The following NSMCE4A variants were observed in gnomAD, a reference collection of about 807,000 sequenced individuals.
NSMCE4A encodes NSE4A component of SMC5/6 complex, also known as non-structural maintenance of chromosomes element 4 homolog A.
Under a neutral mutation model 47.9 loss-of-function variants are expected in NSMCE4A, and 40 were observed. That is an observed-to-expected ratio of 0.83 (90% CI 0.65 to 1.09). The LOEUF (loss-of-function observed/expected upper bound fraction) is 1.09. NSMCE4A is among the 50% of genes least tolerant of loss of function. NSMCE4A has a pLI of 0.00. For synonymous variants in NSMCE4A, 166 were observed against 178.5 expected (o/e 0.93, Z 0.56); for missense variants, 500 against 507.0 (o/e 0.99, Z 0.13).
intron 1 of NSMCE4A, chr10:121,974,438 C>T: frequency 9.8e-7 from 1 of 1,019,974 alleles, no homozygotes; most frequent in Non-Finnish European, 1.2e-6. Context: ...CCCAGAGATT[C>T]GAATTCCGCG....
At chr10:121,974,308 T>A in intron 1 of NSMCE4A, 1 of 1,340,794 alleles carries the variant, frequency 7.5e-7, no homozygotes, top group African/African-American at 1.5e-5. Context: ...CCTCTAACCT[T>A]AACCCAAAGG....
chr10:121,959,280 T>G (rs962850325), intron 10 of NSMCE4A, 44 bp downstream of exon 10: 80 of 1,538,166 alleles, frequency 5.2e-5, no homozygotes, highest in Non-Finnish European at 6.5e-5. Context: ...GATTGCCAAA[T>G]GAACTTTAAT....
rs1952459505 is a variant in NSMCE4A at position 121,959,507 on chromosome 10, G to C, written c.1077C>G (p.Asp359Glu). The C allele has an allele frequency of 6.2e-7, 1 of 1,613,756 alleles. No individual in the cohort carries two copies. Among genetic ancestry groups the C allele is most frequent in the Admixed American group, 1.7e-5 (1 of 59,996 alleles). The change falls in exon 9 of 11, where the codon GAC (aspartate) becomes GAG (glutamate). Residue 359 changes from aspartate to glutamate, a missense_variant. Asp to Glu is a conservative substitution (Grantham distance 45). Coordinates refer to ENST00000369023, the MANE Select transcript of NSMCE4A (RefSeq NM_017615.3). ...NQGIIALSYR[D>E]WEEIVKTFEI... ...GCAACAGGCAGAGCTTTACCTCCCA[G>C]TCACGGTAACTCAAAGCTATAATTC... is the stretch of plus-strand genomic sequence containing the variant.
At chr10:121,963,603 T>C (rs1451830875) in intron 5 of NSMCE4A, among the ~76,000 whole-genome samples, 1 of 151,654 alleles carries the variant, frequency 6.6e-6, no homozygotes. Flanking sequence ...GCTAATTTTT[T>C]TTTTTTTAAT....
intron 3 of NSMCE4A, among the ~76,000 whole-genome samples, chr10:121,969,357 A>C (rs73366454): frequency 0.032 from 4,913 of 152,260 alleles, 153 homozygotes; most frequent in African/African-American, 0.079. Flanking sequence ...CAACAAGAGC[A>C]AGACTCTGTC....
intron 10 of NSMCE4A, among the ~76,000 whole-genome samples, chr10:121,957,463 C>T (rs1442312257): frequency 2.5e-5 from 3 of 122,216 alleles, no homozygotes; most frequent in Admixed American, 1.1e-4. Flanking sequence ...GACAGAGTTT[C>T]GCTCTGTCGC....
At position 121,965,459 on chromosome 10, in the gene NSMCE4A, G is replaced by C. The variant is rs765452015; in HGVS notation, c.654-74C>G. ...AACAAACTAACTTTACTAACTAAAA[G>C]TAGTTTGCATGGTATAGTCAAATTC... On this transcript the variant is annotated intron_variant, in intron 4 of 10. Transcript: ENST00000369023. The C allele has an allele frequency of 5.1e-4, 591 of 1,159,986 alleles. 1 individual carries two copies. Among genetic ancestry groups the C allele is most frequent in the Non-Finnish European group, 6.9e-4 (539 of 776,438 alleles). The allele number at this position is 1,159,986 out of a possible 1,614,324, so 71.9% of individuals were successfully genotyped here. A position where few individuals can be genotyped will look rare whatever the true frequency, so the allele number is the denominator to read the frequency against.
intron 5 of NSMCE4A, among the ~76,000 whole-genome samples, chr10:121,964,605 C>T (rs555007583): frequency 6.6e-6 from 1 of 151,410 alleles, no homozygotes; most frequent in African/African-American, 2.4e-5. Context: ...CCATACCTAG[C>T]TAATTTCTGT....
intron 10 of NSMCE4A, among the ~76,000 whole-genome samples, chr10:121,957,933 A>G (rs184375806): frequency 4.6e-5 from 7 of 152,236 alleles, no homozygotes; most frequent in Non-Finnish European, 7.4e-5. Context: ...ATAGATTAAA[A>G]AAAAATAAAG....
rs1952765580 is a variant in NSMCE4A, at chr10:121,973,917, A to G, written c.370+87T>C. 3.4e-6 allele frequency: 3 copies of G among 886,776 alleles called. No individual in the cohort carries two copies. In the Admixed American group the frequency reaches 7.4e-5, roughly 22 times the overall value. The allele number at this position is 886,776 out of a possible 1,614,324, so 54.9% of individuals were successfully genotyped here. On this transcript the variant is annotated intron_variant, in intron 2 of 10. Transcript: ENST00000369023. ...GGAAAGCACTATTACAAATGTGGGA[A>G]TTGTTTTATGTCAATAATTTGGCGC...
chr10:121,968,699 C>A (rs190328096), intron 3 of NSMCE4A, among the ~76,000 whole-genome samples: 24 of 152,248 alleles, frequency 1.6e-4, no homozygotes, highest in South Asian at 1.5e-3. Flanking sequence ...TATCCAATTA[C>A]GATGGCAATA....
chr10:121,971,371 G>A (rs1564999031), intron 2 of NSMCE4A, among the ~76,000 whole-genome samples: 3 of 152,084 alleles, frequency 2.0e-5, no homozygotes, highest in African/African-American at 4.8e-5. Context: ...TTAGCAGGGC[G>A]TGGTGGCGGG....
At chr10:121,974,797 T>G (rs1048565178) in intron 1 of NSMCE4A, 77 bp downstream of exon 1, 10 of 1,224,170 alleles carry the variant, frequency 8.2e-6, no homozygotes, top group Non-Finnish European at 1.0e-5. Flanking sequence ...CTGCCTCCGG[T>G]GCCCTCCCCC....
intron 10 of NSMCE4A, among the ~76,000 whole-genome samples, 170 bp from the exon 11 acceptor site, chr10:121,957,429 C>CTT (rs34808169): frequency 1.0e-5 from 1 of 98,358 alleles, no homozygotes; most frequent in African/African-American, 3.7e-5. Context: ...CTTCTTTTTT[C>CTT]TTTTTTTTTT....
chr10:121,964,596 C>T (rs1244920500), intron 5 of NSMCE4A, among the ~76,000 whole-genome samples: 1 of 152,036 alleles, frequency 6.6e-6, no homozygotes, highest in Non-Finnish European at 1.5e-5. Flanking sequence ...CACCTGCCAC[C>T]ATACCTAGCT....
intron 4 of NSMCE4A, 121 bp from the exon 5 acceptor site, chr10:121,965,506 C>T: frequency 1.5e-6 from 1 of 688,884 alleles, no homozygotes. Context: ...CAGTGATATA[C>T]AAGCTGACAT....
chr10:121,967,810 CA>C lies in NSMCE4A; in HGVS notation c.502-5del. 2 of 1,594,004 alleles carry C rather than the reference CA, an allele frequency of 1.3e-6. No homozygotes were observed. The highest frequency in any genetic ancestry group is 1.7e-6 in the Non-Finnish European group (2 of 1,175,030). On this transcript the variant is annotated splice_region_variant and splice_polypyrimidine_tract_variant and intron_variant, in intron 3 of 10. Coordinates refer to ENST00000369023, the MANE Select transcript of NSMCE4A (RefSeq NM_017615.3). ...GATTTACACCCATATGTGTGAGCTACAAAAATGAAGGAAAACAAAAAACCCA... is the reference window on the plus strand; with the variant it reads ...GATTTACACCCATATGTGTGAGCTACAAAATGAAGGAAAACAAAAAACCCA...
At chr10:121,970,476 G>GAAAAAA (rs57421744) in intron 3 of NSMCE4A, among the ~76,000 whole-genome samples, 3 of 101,894 alleles carry the variant, frequency 2.9e-5, no homozygotes, top group African/African-American at 8.2e-5. Context: ...TGTCTCAAAG[G>GAAAAAA]AAAAAAAAAA....
rs955770435 is a variant in NSMCE4A, at chr10:121,973,283, T to G, written c.370+721A>C. ...ATATATTTGGCTGCATTCTCCCCTA[T>G]GTTCCCACAGACCCGTCAGAGAGGG... On this transcript the variant is annotated intron_variant, in intron 2 of 10. Coordinates refer to ENST00000369023, the MANE Select transcript of NSMCE4A (RefSeq NM_017615.3). 2.0e-5 allele frequency among the ~76,000 whole-genome samples: 3 copies of G among 151,448 alleles called. No individual in the cohort carries two copies. The East Asian group carries it at 5.8e-4, about 29-fold the overall frequency.
Sources: allele counts gnomAD v4.1 joint callset (sites outside exome capture counted in the v4.1 genomes callset), GRCh38; gene constraint gnomAD v4.1.1; transcripts MANE v1.5; gene names NCBI Gene and HGNC (gene_info 2026-07-23, HGNC 2026-07-21).